SNTG1: variants seen among roughly 807,000 people sequenced by gnomAD.
SNTG1 encodes the protein syntrophin gamma 1, also known as gamma-1-syntrophin.
A neutral mutation model predicts 74.7 loss-of-function variants in SNTG1; 39 were observed. The observed-to-expected ratio is 0.52, with a 90% confidence interval of 0.40 to 0.68. The LOEUF is 0.68. Among genes scored for constraint, SNTG1 ranks in the 30% least tolerant of loss-of-function variants. The probability of loss-of-function intolerance (pLI) is 0.00; values close to 1 mark genes in which losing one functional copy is unlikely to be tolerated. For synonymous variants in SNTG1, 254 were observed against 217.1 expected (o/e 1.17, Z -1.49); for missense variants, 685 against 609.5 (o/e 1.12, Z -1.30).
At chr8:50,515,982 C>A (rs2094130513) in intron 9 of SNTG1, among the ~76,000 whole-genome samples, 1 of 152,092 alleles carries the variant, frequency 6.6e-6, no homozygotes, top group Non-Finnish European at 1.5e-5. Flanking sequence ...GGTCCCTAAC[C>A]CCCATGCCTC....
intron 2 of SNTG1, among the ~76,000 whole-genome samples, chr8:50,199,970 C>T (rs867359134): frequency 6.6e-6 from 1 of 151,532 alleles, no homozygotes; most frequent in African/African-American, 2.4e-5. Context: ...GCAAGGAGTG[C>T]AATTAGCTAT....
At chr8:50,065,954 C>G (rs1045654498) in intron 1 of SNTG1, among the ~76,000 whole-genome samples, 1 of 152,160 alleles carries the variant, frequency 6.6e-6, no homozygotes, top group African/African-American at 2.4e-5. Context: ...CTGTGGCTCA[C>G]GCCTGTAATC....
At chr8:50,638,758 C>T (rs748952845) in intron 13 of SNTG1, among the ~76,000 whole-genome samples, 33 of 152,012 alleles carry the variant, frequency 2.2e-4, no homozygotes, top group Non-Finnish European at 3.8e-4. Flanking sequence ...CTCAAGTTTG[C>T]CCCATAAGTC....
At chr8:50,705,618 T>C (rs1585597705) in intron 16 of SNTG1, among the ~76,000 whole-genome samples, 1 of 152,186 alleles carries the variant, frequency 6.6e-6, no homozygotes, top group African/African-American at 2.4e-5. Context: ...TGCAGTGACA[T>C]GTGCTTGTTA....
At chr8:49,936,413 T>A (rs1341283838) in intron 1 of SNTG1, among the ~76,000 whole-genome samples, 1 of 152,146 alleles carries the variant, frequency 6.6e-6, no homozygotes, top group Non-Finnish European at 1.5e-5. Flanking sequence ...TATAAACAAC[T>A]CGAAATTTTA....
chr8:50,302,696 CTCTG>C (rs1446682421), intron 2 of SNTG1, among the ~76,000 whole-genome samples: 1 of 152,120 alleles, frequency 6.6e-6, no homozygotes, highest in African/African-American at 2.4e-5. Flanking sequence ...TCCATTTTCT[CTCTG>C]TCTTTCATAC....
intron 4 of SNTG1, among the ~76,000 whole-genome samples, chr8:50,423,484 G>A (rs2131472572): frequency 6.6e-6 from 1 of 152,220 alleles, no homozygotes; most frequent in Admixed American, 6.5e-5. Context: ...CACTCAACAT[G>A]ACTATAAAAC....
At chr8:50,091,520 A>G (rs1176158017) in intron 1 of SNTG1, among the ~76,000 whole-genome samples, 2 of 152,132 alleles carry the variant, frequency 1.3e-5, no homozygotes, top group African/African-American at 2.4e-5. Flanking sequence ...AGTTCCATGC[A>G]TAAGTGAGAT....
At chr8:50,239,403 G>A (rs1037027973) in intron 2 of SNTG1, among the ~76,000 whole-genome samples, 2 of 152,158 alleles carry the variant, frequency 1.3e-5, no homozygotes, top group African/African-American at 4.8e-5. Flanking sequence ...GGAAGGGGAA[G>A]CAGGCACCTT....
intron 2 of SNTG1, among the ~76,000 whole-genome samples, chr8:50,368,377 G>A (rs990698700): frequency 3.9e-5 from 6 of 152,046 alleles, no homozygotes; most frequent in African/African-American, 1.5e-4. Flanking sequence ...GGAAAAATAT[G>A]GATTAAAGAA....
intron 2 of SNTG1, among the ~76,000 whole-genome samples, chr8:50,371,209 C>T (rs142156593): frequency 7.5e-4 from 114 of 152,256 alleles, no homozygotes; most frequent in East Asian, 3.9e-4. Flanking sequence ...AACCATTGGT[C>T]ACCACGTTAT....
intron 1 of SNTG1, among the ~76,000 whole-genome samples, chr8:50,107,372 A>T (rs1371567430): frequency 1.3e-5 from 2 of 152,164 alleles, no homozygotes; most frequent in African/African-American, 4.8e-5. Context: ...AGATTGAAAG[A>T]TTCTCACACA....
At chr8:50,648,994 T>A (rs2095127780) in intron 13 of SNTG1, among the ~76,000 whole-genome samples, 1 of 152,190 alleles carries the variant, frequency 6.6e-6, no homozygotes, top group Non-Finnish European at 1.5e-5. Context: ...TTGGTTTCTT[T>A]CAGTTAACAT....
chr8:50,168,724 GTTGGAGTTATA>G (rs1167655679), intron 1 of SNTG1, among the ~76,000 whole-genome samples: 6 of 152,088 alleles, frequency 3.9e-5, no homozygotes, highest in Admixed American at 1.3e-4. Flanking sequence ...GATAATACGA[GTTGGAGTTATA>G]TTCAATATTT....
intron 4 of SNTG1, among the ~76,000 whole-genome samples, chr8:50,412,479 G>A (rs954220822): frequency 5.9e-5 from 9 of 151,934 alleles, no homozygotes; most frequent in Admixed American, 3.9e-4. Flanking sequence ...CTGTCTTATC[G>A]GGTAATTGTG....
chr8:50,441,985 GA>G (rs539431718), intron 5 of SNTG1, among the ~76,000 whole-genome samples: 2 of 150,546 alleles, frequency 1.3e-5, no homozygotes, highest in Non-Finnish European at 1.5e-5. Flanking sequence ...TAAATAATAA[GA>G]AAAAAAAAGC....
intron 15 of SNTG1, among the ~76,000 whole-genome samples, chr8:50,693,515 G>A (rs75411938): frequency 9.2e-5 from 14 of 152,124 alleles, no homozygotes; most frequent in African/African-American, 3.4e-4. Context: ...GAAATGAATT[G>A]CAATATAACA....
intron 12 of SNTG1, among the ~76,000 whole-genome samples, chr8:50,570,491 TC>T (rs2094542196): frequency 6.7e-6 from 1 of 149,320 alleles, no homozygotes; most frequent in Non-Finnish European, 1.5e-5. Context: ...ACTCCTAACC[TC>T]AGGTGATCCA....
rs140352331 is a variant in SNTG1 at position 50,499,982 on chromosome 8, G to C, written c.364-2796G>C. Reference sequence around the variant, plus strand: ...CTCCTTTTAAAAGTTTTAAAAGTTTGTTCCTTTTTATCTTTAGTTTGCAAT... The same window carrying C: ...CTCCTTTTAAAAGTTTTAAAAGTTTCTTCCTTTTTATCTTTAGTTTGCAAT... On this transcript the variant is annotated intron_variant, in intron 8 of 18. Coordinates refer to ENST00000642720, the MANE Select transcript of SNTG1 (RefSeq NM_018967.5). Among the ~76,000 whole-genome samples the C allele has an allele frequency of 4.8e-4, 73 of 151,986 alleles. 1 individual carries two copies. In the East Asian group the frequency reaches 0.01, roughly 22 times the overall value.
Sources: allele counts gnomAD v4.1 joint callset (sites outside exome capture counted in the v4.1 genomes callset), GRCh38; gene constraint gnomAD v4.1.1; transcripts MANE v1.5; gene names NCBI Gene and HGNC (gene_info 2026-07-23, HGNC 2026-07-21).